The following OGA variants were observed in gnomAD, a reference collection of about 807,000 sequenced individuals.
The protein encoded by OGA is protein O-GlcNAcase.
In OGA, 21 loss-of-function variants were observed where a neutral mutation model predicts 102.0. The ratio of observed to expected loss-of-function variants is 0.21; its 90% confidence interval spans 0.15 to 0.30. The LOEUF (loss-of-function observed/expected upper bound fraction) is 0.30. Ranked by LOEUF, OGA falls within the 10% of genes least tolerant of loss-of-function variation. The pLI is 1.00. For synonymous variants in OGA, 408 were observed against 378.2 expected, an observed-to-expected ratio of 1.08 and a Z score of -0.91; for missense variants, 765 against 1,107.8, an observed-to-expected ratio of 0.69 and a Z score of 4.39.
chr10:101,791,425 C>T lies in OGA; in HGVS notation c.2190G>A (p.Lys730=). 5.0e-6 allele frequency: 8 copies of T among 1,613,878 alleles called. No homozygotes were observed. Among genetic ancestry groups the T allele is most frequent in the Non-Finnish European group, 6.8e-6 (8 of 1,179,848 alleles). ...CATCGTCATACATTTCTCTGCAAAT[C>T]TTGTACACGGATGCCTGAAAATATA... The part of the protein sequence containing the change: ...YFPKDEASVY[K]ICREMYDDGV... The change falls in exon 13 of 16, where the codon AAG becomes AAA. Residue 730 remains lysine, a synonymous_variant. Transcript: ENST00000361464.
At chr10:101,795,959 G>A in intron 10 of OGA, 3 of 934,166 alleles carry the variant, frequency 3.2e-6, no homozygotes, top group Non-Finnish European at 3.8e-6. Flanking sequence ...AATGCTCAGT[G>A]CAGAGATAAA....
rs763076364 is a variant in OGA at position 101,798,075 on chromosome 10, T to C, written c.1889A>G (p.Asn630Ser). 24 of 1,614,008 alleles carry C rather than the reference T, an allele frequency of 1.5e-5. No homozygotes were observed. Among genetic ancestry groups the C allele is most frequent in the African/African-American group, 1.3e-5 (1 of 74,928 alleles). Residue 630 changes from asparagine to serine, a missense_variant, in exon 10 of 16, where the codon AAT becomes AGT. Physicochemically the swap from Asn to Ser is conservative, Grantham distance 46. This residue lies in a region of OGA where 281 missense variants were observed against 345.8 expected (regional missense o/e 0.81). Transcript: ENST00000361464. ...ATAAAGAATTGTCCTGTTGGCACAA[T>C]TGGAGAGCCGAGTGAACATTCCCAT... Reference protein sequence around the residue: ...LVMGMFTRLSNCANRTILYDM... With the variant: ...LVMGMFTRLSSCANRTILYDM...
At chr10:101,813,467 G>A (rs2065583851) in intron 2 of OGA, 88 bp downstream of exon 2, 1 of 834,398 alleles carries the variant, frequency 1.2e-6, no homozygotes, top group Admixed American at 2.6e-5. Context: ...AAATGCACCT[G>A]GGCTATTCAC....
chr10:101,806,201 TTG>T, intron 5 of OGA, 58 bp from the exon 6 acceptor site: 1 of 1,103,660 alleles, frequency 9.1e-7, no homozygotes, highest in Non-Finnish European at 1.4e-6. Context: ...GGTTTTCTCT[TTG>T]TTTGTTTGTT....
At chr10:101,798,672 C>T (rs1371458416) in intron 9 of OGA, among the ~76,000 whole-genome samples, 170 bp downstream of exon 9, 1 of 152,110 alleles carries the variant, frequency 6.6e-6, no homozygotes, top group Non-Finnish European at 1.5e-5. Flanking sequence ...CCTCTGCCTC[C>T]CAAAGTTCTG....
At chr10:101,793,504 A>T (rs1035677896) in intron 11 of OGA, among the ~76,000 whole-genome samples, 1 of 152,250 alleles carries the variant, frequency 6.6e-6, no homozygotes, top group Non-Finnish European at 1.5e-5. Flanking sequence ...CAATTCTTTC[A>T]AGCACATTAT....
intron 14 of OGA, among the ~76,000 whole-genome samples, chr10:101,788,466 C>T (rs1192671991): frequency 6.7e-6 from 1 of 149,576 alleles, no homozygotes; most frequent in East Asian, 2.0e-4. Context: ...GGCGTGGTGG[C>T]TCACTCACAC....
Position 101,810,165 on chromosome 10 carries a change from A to G in OGA, c.480+19T>C. Reference sequence around the variant, plus strand: ...TCAAGTACATAGTCAGGAAAAATGAATAAAAAGTAAGGAGTTACCTGGTCC... The same window carrying G: ...TCAAGTACATAGTCAGGAAAAATGAGTAAAAAGTAAGGAGTTACCTGGTCC... On this transcript the variant is annotated intron_variant, in intron 4 of 15. Coordinates refer to ENST00000361464, the MANE Select transcript of OGA (RefSeq NM_012215.5). The G allele has an allele frequency of 6.3e-7, 1 of 1,593,278 alleles. No individual in the cohort carries two copies. The highest frequency in any genetic ancestry group is 8.5e-7 in the Non-Finnish European group (1 of 1,170,288).
intron 5 of OGA, among the ~76,000 whole-genome samples, 170 bp from the exon 6 acceptor site, chr10:101,806,313 C>G (rs549801501): frequency 6.6e-6 from 1 of 152,342 alleles, no homozygotes; most frequent in South Asian, 2.1e-4. Context: ...AGCAATTCTC[C>G]TGCCTCAGCC....
intron 5 of OGA, among the ~76,000 whole-genome samples, 156 bp from the exon 6 acceptor site, chr10:101,806,299 C>T (rs182117579): frequency 5.3e-4 from 80 of 152,256 alleles, no homozygotes; most frequent in African/African-American, 1.8e-3. Flanking sequence ...GCCTCCTGGG[C>T]TCAAGCAATT....
At chr10:101,795,985 G>A (rs896663447) in intron 10 of OGA, 10 of 677,462 alleles carry the variant, frequency 1.5e-5, no homozygotes, top group Middle Eastern at 1.5e-3. Context: ...AGAAGAGAAA[G>A]AAACAATACT....
chr10:101,787,648 A>C, intron 14 of OGA, 125 bp from the exon 15 acceptor site: 913 of 711,238 alleles, frequency 1.3e-3, no homozygotes, highest in Non-Finnish European at 1.8e-3. Flanking sequence ...AAATTATCTC[A>C]CACAGGATTA....
chr10:101,800,063 A>C (rs2065369529), intron 8 of OGA, among the ~76,000 whole-genome samples, 179 bp downstream of exon 8: 2 of 152,030 alleles, frequency 1.3e-5, no homozygotes, highest in African/African-American at 4.8e-5. Context: ...AGTAGGGACA[A>C]GGTTTCACTA....
intron 3 of OGA, among the ~76,000 whole-genome samples, 190 bp from the exon 4 acceptor site, chr10:101,810,504 C>T (rs546544759): frequency 7.9e-5 from 12 of 152,316 alleles, no homozygotes; most frequent in African/African-American, 2.6e-4. Context: ...GATTTAATGT[C>T]ACAGTAAGGG....
At chr10:101,812,860 G>A (rs2065576851) in intron 3 of OGA, 170 bp downstream of exon 3, 2 of 687,010 alleles carry the variant, frequency 2.9e-6, no homozygotes, top group Non-Finnish European at 2.7e-6. Context: ...GACCTTGCTA[G>A]CGCAGAGCAC....
intron 3 of OGA, among the ~76,000 whole-genome samples, chr10:101,810,740 C>T (rs971446535): frequency 2.6e-5 from 4 of 152,108 alleles, no homozygotes; most frequent in Admixed American, 6.5e-5. Flanking sequence ...AAAATGCAGC[C>T]GCTGCTTTTT....
intron 8 of OGA, 55 bp from the exon 9 acceptor site, chr10:101,799,510 G>A: frequency 7.4e-6 from 11 of 1,487,292 alleles, no homozygotes; most frequent in Admixed American, 2.0e-5. Flanking sequence ...ATCAGAATTA[G>A]AGATAGAACA....
chr10:101,801,984 A>C (rs1371683108), intron 7 of OGA, among the ~76,000 whole-genome samples: 3 of 152,040 alleles, frequency 2.0e-5, no homozygotes, highest in African/African-American at 7.3e-5. Context: ...GTCTCTACTA[A>C]AACTATAAAA....
Position 101,818,419 on chromosome 10 carries a change from C to T in OGA, c.-397G>A, listed in dbSNP as rs1052808928. 4.9e-6 allele frequency: 5 copies of T among 1,013,378 alleles called. No homozygotes were observed. In the African/African-American group the frequency reaches 8.6e-5, roughly 17 times the overall value. 62.8% of individuals were successfully genotyped at this position (1,013,378 alleles called of 1,614,324 possible). On this transcript the variant is annotated 5_prime_UTR_variant, in exon 1 of 16. Transcript: ENST00000361464. ...CCGAGCTCTCCCTCTGCTGCTGCCT[C>T]CACCGCCCGCTTCCTGTTTATCCGC...
Sources: allele counts gnomAD v4.1 joint callset (sites outside exome capture counted in the v4.1 genomes callset), GRCh38; gene constraint gnomAD v4.1.1; regional missense constraint gnomAD v4.1.1; transcripts MANE v1.5; gene names NCBI Gene and HGNC (gene_info 2026-07-23, HGNC 2026-07-21).